Variants in DYNC1I1 observed in about 807,000 individuals in gnomAD.
The protein encoded by DYNC1I1 is cytoplasmic dynein 1 intermediate chain 1.
A neutral mutation model predicts 86.6 loss-of-function variants in DYNC1I1; 43 were observed. That is an observed-to-expected ratio of 0.50 (90% CI 0.39 to 0.64). The LOEUF (loss-of-function observed/expected upper bound fraction) is 0.64. Ranked by LOEUF, DYNC1I1 falls within the 30% of genes least tolerant of loss-of-function variation. DYNC1I1 has a pLI of 0.00. For synonymous variants in DYNC1I1, 262 were observed against 283.7 expected (o/e 0.92, Z 0.77); for missense variants, 604 against 788.8 (o/e 0.77, Z 2.81).
chr7:95,967,071 A>C (rs2116527418), intron 6 of DYNC1I1, among the ~76,000 whole-genome samples: 1 of 152,314 alleles, frequency 6.6e-6, no homozygotes, highest in Non-Finnish European at 1.5e-5. Flanking sequence ...AACAGTAAAA[A>C]TATTTACTAG....
chr7:95,908,378 A>G (rs1388447176), intron 6 of DYNC1I1, among the ~76,000 whole-genome samples: 3 of 152,168 alleles, frequency 2.0e-5, no homozygotes, highest in African/African-American at 4.8e-5. Context: ...TATACCCTAA[A>G]TATCAAAGAT....
intron 10 of DYNC1I1, among the ~76,000 whole-genome samples, chr7:96,024,747 C>T (rs948002117): frequency 3.9e-5 from 6 of 152,154 alleles, no homozygotes; most frequent in Middle Eastern, 3.4e-3. Context: ...GACAAAAAAA[C>T]CCCACATTTA....
At chr7:96,093,876 G>T (rs751398233) in intron 16 of DYNC1I1, among the ~76,000 whole-genome samples, 12 of 151,954 alleles carry the variant, frequency 7.9e-5, no homozygotes, top group Admixed American at 2.6e-4. Context: ...ATTATTCTAA[G>T]CTATTATTCT....
intron 6 of DYNC1I1, among the ~76,000 whole-genome samples, chr7:95,890,219 G>A (rs76651806): frequency 0.025 from 3,855 of 152,136 alleles, 119 homozygotes; most frequent in African/African-American, 0.076. Flanking sequence ...AAGAAAATGC[G>A]GTGCATATAT....
chr7:95,894,200 T>C (rs143333958), intron 6 of DYNC1I1, among the ~76,000 whole-genome samples: 22 of 151,966 alleles, frequency 1.4e-4, no homozygotes, highest in African/African-American at 5.3e-4. Flanking sequence ...ATAAACTGGG[T>C]AGCTTATAAA....
chr7:96,075,263 A>T (rs1790295110), intron 14 of DYNC1I1, among the ~76,000 whole-genome samples: 1 of 152,192 alleles, frequency 6.6e-6, no homozygotes, highest in African/African-American at 2.4e-5. Flanking sequence ...AAGCATTTGT[A>T]TGCACTAGGG....
chr7:95,909,243 T>TGGGGGGGGGGG (rs55986463), intron 6 of DYNC1I1, among the ~76,000 whole-genome samples: 2 of 40,380 alleles, frequency 5.0e-5, no homozygotes, highest in Non-Finnish European at 8.6e-5. Flanking sequence ...GGGAGGGGGG[T>TGGGGGGGGGGG]GGGGGGGGGG....
chr7:95,989,940 G>A (rs1025102911), intron 9 of DYNC1I1, among the ~76,000 whole-genome samples: 1 of 152,124 alleles, frequency 6.6e-6, no homozygotes, highest in African/African-American at 2.4e-5. Flanking sequence ...GCAATCGAAT[G>A]ATATTAAGAA....
At chr7:96,025,827 C>G (rs960450333) in intron 10 of DYNC1I1, among the ~76,000 whole-genome samples, 4 of 135,916 alleles carry the variant, frequency 2.9e-5, no homozygotes, top group Non-Finnish European at 1.6e-5. Flanking sequence ...TCTCAACAAA[C>G]AGTACAAGCT....
At chr7:95,806,480 G>T (rs1215903190) in intron 2 of DYNC1I1, among the ~76,000 whole-genome samples, 2 of 152,190 alleles carry the variant, frequency 1.3e-5, no homozygotes, top group Non-Finnish European at 1.5e-5. Context: ...GCCCTGGGAG[G>T]TTGGAGGCTG....
chr7:95,869,477 C>CTT lies in DYNC1I1; in HGVS notation c.375-396_375-395dup, dbSNP rs556177257. ...TTACACCATTAAAGAACCCACCTCT[C>CTT]TTTTTTTTTTTCAAATTTAAGAAGC... On this transcript the variant is annotated intron_variant, in intron 5 of 16. Coordinates refer to ENST00000447467, the MANE Select transcript of DYNC1I1 (RefSeq NM_001135556.2). Among the ~76,000 whole-genome samples the CTT allele has an allele frequency of 4.8e-5, 7 of 147,288 alleles. No individual in the cohort carries two copies. The East Asian group carries it at 9.9e-4, about 21-fold the overall frequency.
intron 6 of DYNC1I1, among the ~76,000 whole-genome samples, chr7:95,948,006 C>T (rs1458419246): frequency 1.9e-5 from 2 of 106,952 alleles, no homozygotes; most frequent in Non-Finnish European, 1.8e-5. Flanking sequence ...TTTTTGGTAG[C>T]AACCAAGGAA....
At chr7:96,104,077 A>T (rs1220794402) in intron 16 of DYNC1I1, among the ~76,000 whole-genome samples, 3 of 152,190 alleles carry the variant, frequency 2.0e-5, no homozygotes, top group African/African-American at 7.2e-5. Flanking sequence ...TATTGGCCAC[A>T]TTTAATATAT....
chr7:95,925,368 G>A (rs1791716564), intron 6 of DYNC1I1, among the ~76,000 whole-genome samples: 1 of 152,084 alleles, frequency 6.6e-6, no homozygotes, highest in Non-Finnish European at 1.5e-5. Flanking sequence ...AGCCCTGTTG[G>A]AAATGATTGA....
At chr7:96,084,381 T>C (rs1790614263) in intron 16 of DYNC1I1, among the ~76,000 whole-genome samples, 1 of 151,014 alleles carries the variant, frequency 6.6e-6, no homozygotes, top group Non-Finnish European at 1.5e-5. Context: ...TGTAGAAATG[T>C]AGTTAAATGG....
In DYNC1I1 at chr7:95,824,502, C is replaced by T. The variant is rs117713726; in HGVS notation, c.315-3555C>T. On this transcript the variant is annotated intron_variant, in intron 4 of 16. Coordinates refer to ENST00000447467, the MANE Select transcript of DYNC1I1 (RefSeq NM_001135556.2). ...AAATAGAACTAATTATTATAGTAAA[C>T]AGGGTGATTTCTATATCACCATCAT... is the stretch of plus-strand genomic sequence containing the variant. 6.4e-3 allele frequency among the ~76,000 whole-genome samples: 972 copies of T among 152,254 alleles called. 20 individuals are homozygous for T. Among genetic ancestry groups the T allele is most frequent in the East Asian group, 0.03 (155 of 5,188 alleles).
chr7:95,944,250 T>C (rs1456073808), intron 6 of DYNC1I1, among the ~76,000 whole-genome samples: 2 of 152,224 alleles, frequency 1.3e-5, no homozygotes, highest in African/African-American at 4.8e-5. Flanking sequence ...AAGATATTTA[T>C]GCAGCCAAAA....
At chr7:96,060,892 C>T (rs941384343) in intron 14 of DYNC1I1, among the ~76,000 whole-genome samples, 1 of 151,780 alleles carries the variant, frequency 6.6e-6, no homozygotes, top group Admixed American at 6.6e-5. Flanking sequence ...ACTATAACAG[C>T]GTAAGGCAGA....
chr7:96,079,027 T>TTGTTTTTC (rs2116260173), intron 15 of DYNC1I1, among the ~76,000 whole-genome samples: 1 of 151,896 alleles, frequency 6.6e-6, no homozygotes, highest in East Asian at 1.9e-4. Flanking sequence ...GGGTTTTTTT[T>TTGTTTTTC]TGTTTTTTTG....
Sources: allele counts gnomAD v4.1 joint callset (sites outside exome capture counted in the v4.1 genomes callset), GRCh38; gene constraint gnomAD v4.1.1; transcripts MANE v1.5; gene names NCBI Gene and HGNC (gene_info 2026-07-23, HGNC 2026-07-21).